Variants in ALG9 observed in about 807,000 individuals in gnomAD.
The protein encoded by ALG9 is alpha-1,2-mannosyltransferase ALG9.
ALG9 carries 55 observed loss-of-function variants against 81.8 expected under a neutral mutation model. The ratio of observed to expected loss-of-function variants is 0.67; its 90% CI spans 0.54 to 0.84. ALG9 has a LOEUF of 0.84. ALG9 is among the 40% of genes least tolerant of loss of function. ALG9 has a pLI of 0.00. For missense variants in ALG9, 629 were observed against 745.0 expected (o/e 0.84, Z 1.81); for synonymous variants, 278 against 274.3 (o/e 1.01, Z -0.13).
intron 13 of ALG9, among the ~76,000 whole-genome samples, chr11:111,831,703 T>C (rs1332832179): frequency 6.6e-6 from 1 of 152,236 alleles, no homozygotes; most frequent in Non-Finnish European, 1.5e-5. Flanking sequence ...CTCAGTTCTT[T>C]CATCCATAAA....
Position 111,838,404 on chromosome 11 carries a change from TA to T in ALG9, c.1174-6del, listed in dbSNP as rs1555119968. The T allele has an allele frequency of 6.2e-7, 1 of 1,604,918 alleles. No homozygotes were observed. The highest frequency in any genetic ancestry group is 1.3e-5 in the African/African-American group (1 of 74,780). On this transcript the variant is annotated splice_region_variant and splice_polypyrimidine_tract_variant and intron_variant, in intron 10 of 14. Coordinates refer to ENST00000616540, the MANE Select transcript of ALG9 (RefSeq NM_024740.2). ...CTGGAAGTACAGAAAACTGTGCTGA[TA>T]AAAGAAAATATAATTTGTAGAATAT...
intron 2 of ALG9, 76 bp from the exon 3 acceptor site, chr11:111,868,812 T>C (rs1358269949): frequency 7.0e-7 from 1 of 1,424,808 alleles, no homozygotes; most frequent in East Asian, 2.4e-5. Flanking sequence ...GTGAAGTTTC[T>C]GAGCAGAAAT....
chr11:111,791,206 A>G (rs547475917), intron 14 of ALG9, among the ~76,000 whole-genome samples: 53 of 152,366 alleles, frequency 3.5e-4, no homozygotes, highest in African/African-American at 1.2e-3. Flanking sequence ...CTGAAGATAT[A>G]TAAGTCTCTC....
Position 111,848,590 on chromosome 11 carries a change from C to CAAA in ALG9, c.896-3870_896-3868dup, listed in dbSNP as rs60317912. Among the ~76,000 whole-genome samples, 252 of 50,218 alleles carry CAAA rather than the reference C, an allele frequency of 5.0e-3. 3 individuals carry two copies. The highest frequency in any genetic ancestry group is 0.011 in the African/African-American group (211 of 18,378). The allele number at this position is 50,218 out of a possible 152,430, so 32.9% of individuals were successfully genotyped here. On this transcript the variant is annotated intron_variant, in intron 8 of 14. Coordinates refer to ENST00000616540, the MANE Select transcript of ALG9 (RefSeq NM_024740.2). ...GGGCAACAAGAGCAAAACTCCATCT[C>CAAA]AAAAAAAAAAAAAAAAAAGAAAACC...
chr11:111,818,055 A>G (rs1319513458), intron 13 of ALG9, among the ~76,000 whole-genome samples: 2 of 152,212 alleles, frequency 1.3e-5, no homozygotes, highest in Non-Finnish European at 2.9e-5. Flanking sequence ...CTGGGATTTC[A>G]GGCGTGAGCC....
In ALG9 at chr11:111,844,690, C is replaced by A. The variant is rs1592238574; in HGVS notation, c.929G>T (p.Gly310Val). Residue 310 changes from glycine to valine, a missense_variant, in exon 9 of 15, where the codon GGA becomes GTA. Coordinates refer to ENST00000616540, the MANE Select transcript of ALG9 (RefSeq NM_024740.2). ...AAAGGCTACATTGAAATTCAGAAAT[C>A]CATTAATTAAATAGAAATACCAGGG... ...TEPWYFYLIN[G>V]FLNFNVAFAL... 2 of 1,613,854 alleles carry A rather than the reference C, an allele frequency of 1.2e-6. No homozygotes were observed. The highest frequency in any genetic ancestry group is 1.7e-6 in the Non-Finnish European group (2 of 1,179,876).
chr11:111,803,100 A>G (rs1363172703), intron 14 of ALG9, among the ~76,000 whole-genome samples: 1 of 152,256 alleles, frequency 6.6e-6, no homozygotes, highest in Middle Eastern at 3.2e-3. Context: ...TAGATTAAAT[A>G]AAATCTCAAT....
downstream of ALG9, among the ~76,000 whole-genome samples, chr11:111,781,161 G>A (rs1555056769): frequency 6.6e-6 from 1 of 152,150 alleles, no homozygotes; most frequent in Admixed American, 6.6e-5. Flanking sequence ...CAAACAATTT[G>A]GGAGAAATAA....
chr11:111,770,262 G>T, the ALG9 span, among the ~76,000 whole-genome samples: 1 of 152,156 alleles, frequency 6.6e-6, no homozygotes, highest in Non-Finnish European at 1.5e-5. Flanking sequence ...GGGGCCAGAT[G>T]GTTTACAGTG....
In ALG9 at chr11:111,826,849, G is replaced by A. The variant is rs145457938; in HGVS notation, c.1602+9316C>T. ...CTGGATCTCCTATTAGCTAAATTCT[G>A]GATTCTGATTTTATTGTTCTTTTTC... On this transcript the variant is annotated intron_variant, in intron 13 of 14. Coordinates refer to ENST00000616540, the MANE Select transcript of ALG9 (RefSeq NM_024740.2). Among the ~76,000 whole-genome samples the A allele has an allele frequency of 2.8e-3, 419 of 151,920 alleles. 2 individuals are homozygous for A. The highest frequency in any genetic ancestry group is 9.4e-3 in the African/African-American group (388 of 41,442).
chr11:111,870,745 CCATT>C, intron 1 of ALG9: 1 of 1,015,394 alleles, frequency 9.8e-7, no homozygotes, highest in Non-Finnish European at 1.2e-6. Context: ...TTATGTCACT[CCATT>C]TATCCCAAGC....
chr11:111,836,414 T>C, intron 12 of ALG9, 120 bp from the exon 13 acceptor site: 1 of 1,323,364 alleles, frequency 7.6e-7, no homozygotes, highest in South Asian at 1.2e-5. Context: ...AAAATATTTC[T>C]GCTAAAACCT....
At chr11:111,851,574 A>G (rs2137028379) in intron 8 of ALG9, among the ~76,000 whole-genome samples, 1 of 152,310 alleles carries the variant, frequency 6.6e-6, no homozygotes, top group East Asian at 1.9e-4. Context: ...AGGTTTTATA[A>G]AGAGTTAGAG....
chr11:111,855,442 G>A (rs1314721545), intron 6 of ALG9, among the ~76,000 whole-genome samples: 4 of 152,168 alleles, frequency 2.6e-5, no homozygotes, highest in Admixed American at 6.5e-5. Flanking sequence ...GAGAGGAGGA[G>A]ATCATTTAGG....
intron 3 of ALG9, among the ~76,000 whole-genome samples, chr11:111,866,832 G>A (rs564817190): frequency 4.0e-5 from 6 of 151,218 alleles, no homozygotes; most frequent in African/African-American, 1.2e-4. Context: ...AGTGGCTCAC[G>A]CCCGTAATCC....
chr11:111,858,964 G>T (rs1263811200), intron 5 of ALG9, among the ~76,000 whole-genome samples: 2 of 152,174 alleles, frequency 1.3e-5, no homozygotes, highest in East Asian at 3.9e-4. Flanking sequence ...CAGTACTCTG[G>T]GAGGCCAAGG....
chr11:111,793,119 G>C (rs1263346408), intron 14 of ALG9, among the ~76,000 whole-genome samples: 1 of 152,146 alleles, frequency 6.6e-6, no homozygotes. Context: ...GAGTAGTTGG[G>C]ACTAAGGTGT....
At chr11:111,774,728 T>A in the ALG9 span, among the ~76,000 whole-genome samples, 1 of 152,338 alleles carries the variant, frequency 6.6e-6, no homozygotes, top group South Asian at 2.1e-4. Flanking sequence ...ACCATGAAGA[T>A]TATTACCTAT....
At chr11:111,805,528 G>A (rs1949788671) in intron 14 of ALG9, among the ~76,000 whole-genome samples, 1 of 152,190 alleles carries the variant, frequency 6.6e-6, no homozygotes, top group African/African-American at 2.4e-5. Flanking sequence ...AAACTTAAAT[G>A]CAGCTTGCTA....
Sources: allele counts gnomAD v4.1 joint callset (sites outside exome capture counted in the v4.1 genomes callset), GRCh38; gene constraint gnomAD v4.1.1; transcripts MANE v1.5; gene names NCBI Gene and HGNC (gene_info 2026-07-23, HGNC 2026-07-21).